Variants in FRMD6 observed in about 807,000 individuals in gnomAD.
FRMD6 encodes the protein FERM domain-containing protein 6.
FRMD6 carries 37 observed loss-of-function variants against 73.2 expected under a neutral mutation model. That is an observed-to-expected ratio of 0.51 (90% CI 0.39 to 0.66). FRMD6 has a LOEUF of 0.66. Ranked by LOEUF, FRMD6 falls within the 30% of genes least tolerant of loss-of-function variation. The pLI, the probability that FRMD6 is intolerant of heterozygous loss-of-function variation, is 0.00. For missense variants in FRMD6, 714 were observed against 780.5 expected (o/e 0.91, Z 1.02); for synonymous variants, 273 against 282.2 (o/e 0.97, Z 0.33).
At chr14:51,658,830 T>G (rs1213215378) in intron 1 of FRMD6, among the ~76,000 whole-genome samples, 1 of 152,194 alleles carries the variant, frequency 6.6e-6, no homozygotes, top group Non-Finnish European at 1.5e-5. Flanking sequence ...TTTTATTACT[T>G]AAGAAAAGAC....
the FRMD6 span, among the ~76,000 whole-genome samples, chr14:51,431,303 T>C: frequency 3.9e-5 from 6 of 152,174 alleles, no homozygotes; most frequent in African/African-American, 1.4e-4. Flanking sequence ...CTTATTTCAG[T>C]CAGTATTGAG....
At chr14:51,722,206 C>A in intron 12 of FRMD6, 126 bp downstream of exon 12, 1 of 900,654 alleles carries the variant, frequency 1.1e-6, no homozygotes, top group Non-Finnish European at 1.7e-6. Flanking sequence ...CACTAAGAGT[C>A]TCTTCAGGTC....
intron 2 of FRMD6, among the ~76,000 whole-genome samples, chr14:51,605,347 G>A (rs1370789133): frequency 1.3e-5 from 2 of 151,930 alleles, no homozygotes; most frequent in African/African-American, 4.8e-5. Flanking sequence ...CTCTTAACGA[G>A]CATGCTGCCT....
At chr14:51,555,425 A>G (rs1887072862) in intron 1 of FRMD6, among the ~76,000 whole-genome samples, 1 of 152,196 alleles carries the variant, frequency 6.6e-6, no homozygotes, top group African/African-American at 2.4e-5. Context: ...CTATGTAGAA[A>G]TTGCTTTTGG....
At chr14:51,497,336 T>A (rs1050230855) in intron 1 of FRMD6, among the ~76,000 whole-genome samples, 1 of 151,974 alleles carries the variant, frequency 6.6e-6, no homozygotes, top group Non-Finnish European at 1.5e-5. Context: ...AGGTCTCTTA[T>A]CATCTAAACT....
intron 2 of FRMD6, among the ~76,000 whole-genome samples, chr14:51,618,750 T>G (rs538908673): frequency 1.9e-4 from 29 of 152,248 alleles, no homozygotes; most frequent in Admixed American, 3.3e-4. Flanking sequence ...GGTGGGAAGA[T>G]GATTACTTGT....
At chr14:51,588,712 C>G (rs1317459939) in intron 2 of FRMD6, among the ~76,000 whole-genome samples, 1 of 152,182 alleles carries the variant, frequency 6.6e-6, no homozygotes, top group East Asian at 1.9e-4. Flanking sequence ...CTATGCCTAA[C>G]AGTTCTCACT....
intron 1 of FRMD6, among the ~76,000 whole-genome samples, chr14:51,525,171 GAT>G (rs1885179123): frequency 1.3e-5 from 2 of 151,656 alleles, no homozygotes; most frequent in African/African-American, 2.4e-5. Context: ...TGGATGGATG[GAT>G]GGATGGATGG....
intron 2 of FRMD6, among the ~76,000 whole-genome samples, chr14:51,690,399 T>C (rs1895468496): frequency 6.6e-6 from 1 of 152,148 alleles, no homozygotes; most frequent in African/African-American, 2.4e-5. Flanking sequence ...TTGTTTTTGC[T>C]TTTTGAGACA....
upstream of FRMD6, among the ~76,000 whole-genome samples, chr14:51,484,407 A>G (rs1223147934): frequency 6.6e-6 from 1 of 152,188 alleles, no homozygotes; most frequent in Non-Finnish European, 1.5e-5. Flanking sequence ...ATAGCCACTC[A>G]ACAGTCACCC....
intron 1 of FRMD6, among the ~76,000 whole-genome samples, chr14:51,660,430 A>G (rs1223710832): frequency 1.3e-5 from 2 of 152,142 alleles, no homozygotes; most frequent in Admixed American, 1.3e-4. Context: ...CTTCAAGCCC[A>G]TAGAAAAGGG....
chr14:51,578,586 G>C (rs1888531824), intron 2 of FRMD6, among the ~76,000 whole-genome samples: 1 of 152,220 alleles, frequency 6.6e-6, no homozygotes, highest in Non-Finnish European at 1.5e-5. Context: ...TGAAGTTTGT[G>C]ACATGCAGAC....
At chr14:51,534,175 C>A (rs555181463) in intron 1 of FRMD6, among the ~76,000 whole-genome samples, 1 of 152,314 alleles carries the variant, frequency 6.6e-6, no homozygotes, top group East Asian at 1.9e-4. Context: ...GTTCAAACGG[C>A]TGTAGATCTC....
At chr14:51,581,614 T>TTA (rs1227128288) in intron 2 of FRMD6, among the ~76,000 whole-genome samples, 1 of 152,146 alleles carries the variant, frequency 6.6e-6, no homozygotes, top group Non-Finnish European at 1.5e-5. Flanking sequence ...ATCACTAAGT[T>TTA]TATATGTCTT....
At chr14:51,530,818 C>T (rs114867848) in intron 1 of FRMD6, among the ~76,000 whole-genome samples, 2,002 of 152,238 alleles carry the variant, frequency 0.013, 33 homozygotes, top group African/African-American at 0.046. Flanking sequence ...AAAGGACAAA[C>T]AGTAACTTTA....
chr14:51,675,344 C>T (rs988573012), intron 1 of FRMD6, among the ~76,000 whole-genome samples: 7 of 152,022 alleles, frequency 4.6e-5, no homozygotes, highest in Admixed American at 1.3e-4. Context: ...CCTTAGAGCA[C>T]GTTGGCTAAA....
chr14:51,490,077 A>G (rs1225707557), intron 1 of FRMD6, among the ~76,000 whole-genome samples: 1 of 152,244 alleles, frequency 6.6e-6, no homozygotes, highest in Non-Finnish European at 1.5e-5. Context: ...AAACTGTACA[A>G]TGAATACAAT....
chr14:51,567,757 A>G (rs1190445740), intron 1 of FRMD6, among the ~76,000 whole-genome samples: 1 of 152,204 alleles, frequency 6.6e-6, no homozygotes, highest in Non-Finnish European at 1.5e-5. Context: ...TGCACAGTTA[A>G]TGCTTAACTC....
the FRMD6 span, among the ~76,000 whole-genome samples, chr14:51,473,029 A>G: frequency 6.6e-6 from 1 of 152,314 alleles, no homozygotes; most frequent in East Asian, 1.9e-4. Context: ...ATGAGGTATA[A>G]TGAGCTCAAG....
Sources: allele counts gnomAD v4.1 joint callset (sites outside exome capture counted in the v4.1 genomes callset), GRCh38; gene constraint gnomAD v4.1.1; transcripts MANE v1.5; gene names NCBI Gene and HGNC (gene_info 2026-07-23, HGNC 2026-07-21).